CUX2: variants seen among roughly 807,000 people sequenced by gnomAD.
CUX2 encodes homeobox protein cut-like 2.
CUX2 carries 40 observed loss-of-function variants against 144.8 expected under a neutral mutation model. The observed-to-expected ratio is 0.28, with a 90% CI of 0.21 to 0.36. CUX2 has a LOEUF of 0.36. Ranked by LOEUF, CUX2 falls within the 10% of genes least tolerant of loss-of-function variation. CUX2 has a pLI of 1.00. For synonymous variants in CUX2, 827 were observed against 875.6 expected, an observed-to-expected ratio of 0.94 and a Z score of 0.98; for missense variants, 1,615 against 1,994.0, an observed-to-expected ratio of 0.81 and a Z score of 3.62.
Position 111,338,402 on chromosome 12 carries a change from C to A in CUX2, c.3313C>A (p.Arg1105Ser). ...LSLKGREPFV[R>S]MQLWLNDPHN... Reference sequence around the variant, plus strand: ...CCTGAAGGGGCGGGAGCCTTTTGTCCGCATGCAGCTGTGGCTCAATGACCC... The same window carrying A: ...CCTGAAGGGGCGGGAGCCTTTTGTCAGCATGCAGCTGTGGCTCAATGACCC... Residue 1105 changes from arginine to serine, a missense_variant, in exon 20 of 22, where the codon CGC becomes AGC. By Grantham distance (110) the Arg-to-Ser change is moderately radical. Transcript: ENST00000261726. 2 of 1,614,096 alleles carry A rather than the reference C, an allele frequency of 1.2e-6. No homozygotes were observed. Among genetic ancestry groups the A allele is most frequent in the Non-Finnish European group, 1.7e-6 (2 of 1,180,002 alleles).
At chr12:111,309,102 A>G (rs1886745263) in intron 14 of CUX2, among the ~76,000 whole-genome samples, 2 of 152,056 alleles carry the variant, frequency 1.3e-5, no homozygotes, top group Admixed American at 6.6e-5. Flanking sequence ...ATGGGGTTTC[A>G]TCACATTGGC....
At chr12:111,305,237 A>T (rs562108347) in intron 10 of CUX2, among the ~76,000 whole-genome samples, 13 of 152,278 alleles carry the variant, frequency 8.5e-5, no homozygotes, top group Non-Finnish European at 1.3e-4. Flanking sequence ...ATCTCTACAT[A>T]CCAAGGGGTG....
intron 1 of CUX2, among the ~76,000 whole-genome samples, chr12:111,213,666 A>G (rs1881357066): frequency 6.6e-6 from 1 of 152,240 alleles, no homozygotes; most frequent in African/African-American, 2.4e-5. Flanking sequence ...TACTGAAATT[A>G]AAAAGCCATC....
At chr12:111,296,567 C>T (rs1448920307) in intron 8 of CUX2, 28 bp downstream of exon 8, 1 of 1,596,444 alleles carries the variant, frequency 6.3e-7, no homozygotes, top group Non-Finnish European at 8.5e-7. Flanking sequence ...AGGTGTACCT[C>T]CTCCCTTGGA....
intron 4 of CUX2, among the ~76,000 whole-genome samples, chr12:111,272,460 T>TATC (rs1435340003): frequency 6.6e-6 from 1 of 151,960 alleles, no homozygotes; most frequent in Admixed American, 6.6e-5. Flanking sequence ...CAGTTAACTT[T>TATC]ATTATTATTA....
At chr12:111,050,339 T>C (rs1473124872) in intron 1 of CUX2, among the ~76,000 whole-genome samples, 2 of 152,210 alleles carry the variant, frequency 1.3e-5, no homozygotes, top group African/African-American at 4.8e-5. Flanking sequence ...ACCTCATCTG[T>C]ATCCACAACA....
chr12:111,133,859 T>G (rs1338694542), intron 1 of CUX2, among the ~76,000 whole-genome samples: 1 of 152,120 alleles, frequency 6.6e-6, no homozygotes, highest in Non-Finnish European at 1.5e-5. Flanking sequence ...GGAGACTTCT[T>G]CCACTGGCAA....
intron 21 of CUX2, among the ~76,000 whole-genome samples, chr12:111,346,138 A>C (rs1350628607): frequency 6.9e-6 from 1 of 145,316 alleles, no homozygotes; most frequent in African/African-American, 2.6e-5. Context: ...AAAAAGAAAA[A>C]AAAGGCAGAA....
intron 1 of CUX2, among the ~76,000 whole-genome samples, chr12:111,087,580 A>G (rs917509995): frequency 6.6e-6 from 1 of 152,202 alleles, no homozygotes; most frequent in African/African-American, 2.4e-5. Flanking sequence ...ATCATTAATC[A>G]GAGAATGCTT....
intron 1 of CUX2, among the ~76,000 whole-genome samples, chr12:111,129,262 GTC>G (rs1875288968): frequency 6.6e-6 from 1 of 152,252 alleles, no homozygotes; most frequent in Non-Finnish European, 1.5e-5. Context: ...TATCATAAGT[GTC>G]ATGGGCTAGG....
intron 3 of CUX2, among the ~76,000 whole-genome samples, chr12:111,229,332 T>C (rs887104816): frequency 1.3e-5 from 2 of 152,086 alleles, no homozygotes; most frequent in Non-Finnish European, 2.9e-5. Context: ...GGAGAAGGAA[T>C]CTTTCTAGAT....
At chr12:111,233,094 G>A (rs1882561212) in intron 3 of CUX2, among the ~76,000 whole-genome samples, 1 of 152,192 alleles carries the variant, frequency 6.6e-6, no homozygotes, top group Admixed American at 6.5e-5. Context: ...CGGCATGCCA[G>A]GTAAAAGGAA....
chr12:111,161,825 T>G (rs550021341), intron 1 of CUX2, among the ~76,000 whole-genome samples: 1 of 152,276 alleles, frequency 6.6e-6, no homozygotes, highest in Non-Finnish European at 1.5e-5. Context: ...GCCTCAACCT[T>G]CCAGGCTCAA....
intron 5 of CUX2, among the ~76,000 whole-genome samples, chr12:111,292,548 C>T (rs1337767673): frequency 6.6e-6 from 1 of 152,096 alleles, no homozygotes; most frequent in African/African-American, 2.4e-5. Flanking sequence ...CAAGATCATG[C>T]CCCTGCACTC....
chr12:111,046,283 G>T (rs907294646), intron 1 of CUX2, among the ~76,000 whole-genome samples: 1 of 152,222 alleles, frequency 6.6e-6, no homozygotes, highest in Non-Finnish European at 1.5e-5. Flanking sequence ...CTTGCGGAGA[G>T]ACCAGTGCAG....
At chr12:111,264,508 G>C (rs947635230) in intron 4 of CUX2, among the ~76,000 whole-genome samples, 1 of 152,140 alleles carries the variant, frequency 6.6e-6, no homozygotes, top group Non-Finnish European at 1.5e-5. Flanking sequence ...GCCGAGGTGG[G>C]CCGATCACCT....
At chr12:111,256,829 G>C (rs1883841288) in intron 3 of CUX2, among the ~76,000 whole-genome samples, 1 of 152,186 alleles carries the variant, frequency 6.6e-6, no homozygotes, top group African/African-American at 2.4e-5. Flanking sequence ...TTGGGGGAAG[G>C]CGGGGATTTC....
intron 1 of CUX2, among the ~76,000 whole-genome samples, chr12:111,181,855 C>T (rs1319089176): frequency 6.6e-6 from 1 of 152,226 alleles, no homozygotes; most frequent in Non-Finnish European, 1.5e-5. Flanking sequence ...TCTGCATCCT[C>T]ACTCTTATTT....
chr12:111,180,058 C>T (rs59625972), intron 1 of CUX2, among the ~76,000 whole-genome samples: 3,865 of 152,212 alleles, frequency 0.025, 173 homozygotes, highest in African/African-American at 0.088. Flanking sequence ...TGCTCCACTG[C>T]ATCCCTGGCA....
Sources: allele counts gnomAD v4.1 joint callset (sites outside exome capture counted in the v4.1 genomes callset), GRCh38; gene constraint gnomAD v4.1.1; transcripts MANE v1.5; gene names NCBI Gene and HGNC (gene_info 2026-07-23, HGNC 2026-07-21).